GLYATL2: variants seen among roughly 807,000 people sequenced by gnomAD.
GLYATL2 encodes glycine-N-acyltransferase like 2.
Under a neutral mutation model 21.4 loss-of-function variants are expected in GLYATL2, and 25 were observed. That is an observed-to-expected ratio of 1.17 (90% CI 0.85 to 1.63). The LOEUF is 1.63. Among genes scored for constraint, GLYATL2 ranks in the 40% most tolerant of loss-of-function variants. The pLI, the probability that GLYATL2 is intolerant of heterozygous loss-of-function variation, is 0.00. For synonymous variants in GLYATL2, 114 were observed against 118.2 expected, an observed-to-expected ratio of 0.96 and a Z score of 0.23; for missense variants, 361 against 343.3, an observed-to-expected ratio of 1.05 and a Z score of -0.41.
intron 1 of GLYATL2, among the ~76,000 whole-genome samples, chr11:58,851,711 G>T (rs1404561156): frequency 6.6e-6 from 1 of 152,172 alleles, no homozygotes; most frequent in East Asian, 1.9e-4. Context: ...CCTCACTTCT[G>T]TAGAACTACA....
intron 1 of GLYATL2, among the ~76,000 whole-genome samples, chr11:58,865,844 A>C (rs1446327029): frequency 6.7e-6 from 1 of 149,130 alleles, no homozygotes; most frequent in African/African-American, 2.4e-5. Context: ...TGGTGAACAA[A>C]AGATGAAAGA....
At chr11:58,900,930 T>C (rs929077626) in intron 1 of GLYATL2, among the ~76,000 whole-genome samples, 2 of 152,244 alleles carry the variant, frequency 1.3e-5, no homozygotes, top group African/African-American at 2.4e-5. Context: ...TTTTCTTCCC[T>C]GCTTCTTTTC....
At position 58,834,325 on chromosome 11, in the gene GLYATL2, C is replaced by T. The variant is rs1411327615; in HGVS notation, c.*104G>A. On this transcript the variant is annotated 3_prime_UTR_variant, in exon 6 of 6. Coordinates refer to ENST00000287275, the MANE Select transcript of GLYATL2 (RefSeq NM_145016.4). ...GGTGAGCTTAAGTAATACACAGATC[C>T]TAGATAATCAGTTGCATTTTGTGCT... The T allele has an allele frequency of 1.1e-6, 1 of 887,468 alleles. No homozygotes were observed. The highest frequency in any genetic ancestry group is 2.6e-5 in the East Asian group (1 of 38,648). The allele number at this position is 887,468 out of a possible 1,614,324, so 55.0% of individuals were successfully genotyped here.
intron 1 of GLYATL2, among the ~76,000 whole-genome samples, chr11:58,855,106 CATGGATCATGA>C (rs1853806069): frequency 6.6e-6 from 1 of 152,200 alleles, no homozygotes; most frequent in Non-Finnish European, 1.5e-5. Flanking sequence ...GATCTCCTCC[CATGGATCATGA>C]ATGTTTTAAA....
chr11:58,872,884 CATTTTCACGAT>C (rs1379857442), intron 1 of GLYATL2, among the ~76,000 whole-genome samples: 1 of 152,212 alleles, frequency 6.6e-6, no homozygotes, highest in Non-Finnish European at 1.5e-5. Flanking sequence ...GCAGTACGGC[CATTTTCACGAT>C]ATTGATTGTC....
rs536239517 is a variant in GLYATL2 at position 58,866,442 on chromosome 11, C to T, written n.61-28074G>A. On this transcript the variant is annotated intron_variant and non_coding_transcript_variant, in intron 1 of 4. Transcript: ENST00000533636. Reference sequence around the variant, plus strand: ...CAAGGTCTTCTGACTGGATGAACAACCCCTCCCTGAGTGTCCAGGTGTGAA... The same window carrying T: ...CAAGGTCTTCTGACTGGATGAACAATCCCTCCCTGAGTGTCCAGGTGTGAA... 3.5e-4 allele frequency among the ~76,000 whole-genome samples: 52 copies of T among 148,742 alleles called. 3 individuals are homozygous for T. The highest frequency in any genetic ancestry group is 8.3e-4 in the Admixed American group (12 of 14,376).
At chr11:58,851,515 A>G (rs673902) in intron 1 of GLYATL2, among the ~76,000 whole-genome samples, 1 of 151,914 alleles carries the variant, frequency 6.6e-6, no homozygotes, top group South Asian at 2.1e-4. Flanking sequence ...GGATTTTTGC[A>G]TCAGTATATG....
rs1481997525 is a variant in GLYATL2 at position 58,874,282 on chromosome 11, A to G, written n.60+29874T>C. On this transcript the variant is annotated intron_variant and non_coding_transcript_variant, in intron 1 of 4. Transcript: ENST00000533636. Reference sequence around the variant, plus strand: ...TTTTTTGAAGGCTTTTTGTGTCTCTATTTCCTTCAGTTCTGCTCTGATCTT... The same window carrying G: ...TTTTTTGAAGGCTTTTTGTGTCTCTGTTTCCTTCAGTTCTGCTCTGATCTT... Among the ~76,000 whole-genome samples the G allele has an allele frequency of 3.3e-5, 5 of 151,750 alleles. No individual in the cohort carries two copies. The East Asian group carries it at 5.8e-4, about 18-fold the overall frequency.
At chr11:58,863,085 G>A (rs1590731003) in intron 1 of GLYATL2, among the ~76,000 whole-genome samples, 1 of 151,998 alleles carries the variant, frequency 6.6e-6, no homozygotes, top group African/African-American at 2.4e-5. Flanking sequence ...TGGTTCCTGG[G>A]TCTGTAGAGT....
chr11:58,900,751 T>C (rs1001385096), intron 1 of GLYATL2, among the ~76,000 whole-genome samples: 13 of 152,072 alleles, frequency 8.5e-5, no homozygotes, highest in African/African-American at 3.1e-4. Flanking sequence ...CGCCCATCCC[T>C]CCATTTAGCA....
At chr11:58,892,885 T>A (rs1565108530) in intron 1 of GLYATL2, 1 of 305,252 alleles carries the variant, frequency 3.3e-6, no homozygotes, top group East Asian at 6.7e-5. Flanking sequence ...TTCCTTGTAC[T>A]TTTTTGTAAT....
chr11:58,876,250 T>A (rs1854230176), intron 1 of GLYATL2, among the ~76,000 whole-genome samples: 2 of 152,214 alleles, frequency 1.3e-5, no homozygotes, highest in African/African-American at 4.8e-5. Flanking sequence ...CTCCTTTAGC[T>A]TGGAGTAGTT....
chr11:58,884,761 A>C (rs620633), intron 1 of GLYATL2: 135,659 of 156,332 alleles, frequency 0.87, 60,246 homozygotes, highest in Non-Finnish European at 0.96. Flanking sequence ...AAATTTACTT[A>C]ATCTCTCTGA....
intron 1 of GLYATL2, among the ~76,000 whole-genome samples, chr11:58,855,445 A>G (rs1457978763): frequency 6.6e-6 from 1 of 152,212 alleles, no homozygotes; most frequent in African/African-American, 2.4e-5. Context: ...TATTCAGTAA[A>G]CCACGCTGTA....
intron 1 of GLYATL2, among the ~76,000 whole-genome samples, chr11:58,855,158 G>T (rs1231776093): frequency 6.6e-6 from 1 of 152,170 alleles, no homozygotes; most frequent in Non-Finnish European, 1.5e-5. Context: ...CCTTCCAAGA[G>T]ATTTTCAATT....
chr11:58,898,726 C>T (rs931724226), intron 1 of GLYATL2, among the ~76,000 whole-genome samples: 2 of 151,816 alleles, frequency 1.3e-5, no homozygotes, highest in Admixed American at 6.6e-5. Context: ...CCAGTTACTC[C>T]GGAGGCTCAG....
intron 1 of GLYATL2, among the ~76,000 whole-genome samples, chr11:58,881,557 C>A (rs1590744656): frequency 6.6e-6 from 1 of 152,096 alleles, no homozygotes; most frequent in Non-Finnish European, 1.5e-5. Flanking sequence ...CTATTCTAAG[C>A]TTTCCAGTCA....
At chr11:58,900,267 A>G (rs1358341814) in intron 1 of GLYATL2, among the ~76,000 whole-genome samples, 1 of 152,240 alleles carries the variant, frequency 6.6e-6, no homozygotes, top group Non-Finnish European at 1.5e-5. Flanking sequence ...CCTCTGCAAA[A>G]TAAGAGACCT....
upstream of GLYATL2, among the ~76,000 whole-genome samples, chr11:58,906,046 A>G (rs745315409): frequency 2.1e-4 from 32 of 152,136 alleles, no homozygotes; most frequent in Admixed American, 8.5e-4. Context: ...AAGTCTTCCC[A>G]ACACCTGCGA....
Sources: allele counts gnomAD v4.1 joint callset (sites outside exome capture counted in the v4.1 genomes callset), GRCh38; gene constraint gnomAD v4.1.1; transcripts MANE v1.5; gene names NCBI Gene and HGNC (gene_info 2026-07-23, HGNC 2026-07-21).